DIP2A: variants seen among roughly 807,000 people sequenced by gnomAD.
DIP2A encodes the protein disco-interacting protein 2 homolog A.
Under a neutral mutation model 177.4 loss-of-function variants are expected in DIP2A, and 85 were observed. The observed-to-expected ratio is 0.48, with a 90% CI of 0.40 to 0.57. The LOEUF is 0.57. Among genes scored for constraint, DIP2A ranks in the 20% least tolerant of loss-of-function variants. DIP2A has a pLI of 0.00. For synonymous variants in DIP2A, 886 were observed against 881.8 expected (o/e 1.00, Z -0.08); for missense variants, 1,791 against 2,100.2 (o/e 0.85, Z 2.88).
chr21:46,548,707 G>A (rs1227681779), intron 21 of DIP2A, among the ~76,000 whole-genome samples: 4 of 152,014 alleles, frequency 2.6e-5, no homozygotes, highest in African/African-American at 9.7e-5. Flanking sequence ...ATAAGGGCTG[G>A]TGTCCAGATA....
chr21:46,522,452 A>G (rs1451083296), intron 8 of DIP2A, among the ~76,000 whole-genome samples: 1 of 152,206 alleles, frequency 6.6e-6, no homozygotes, highest in Non-Finnish European at 1.5e-5. Flanking sequence ...GCAGATTCCA[A>G]AAATCAAAGT....
At chr21:46,504,950 A>G (rs1234080597) in intron 6 of DIP2A, among the ~76,000 whole-genome samples, 1 of 152,252 alleles carries the variant, frequency 6.6e-6, no homozygotes, top group Non-Finnish European at 1.5e-5. Flanking sequence ...TCCCATGTGC[A>G]GGCTCAGAGA....
chr21:46,470,380 G>C (rs1212421493), intron 1 of DIP2A, among the ~76,000 whole-genome samples: 2 of 151,740 alleles, frequency 1.3e-5, no homozygotes, highest in East Asian at 3.9e-4. Flanking sequence ...ACGCTGAGGC[G>C]GGAGAATCAC....
intron 8 of DIP2A, among the ~76,000 whole-genome samples, chr21:46,526,904 TTTAC>T (rs1302489944): frequency 6.6e-6 from 1 of 152,198 alleles, no homozygotes; most frequent in African/African-American, 2.4e-5. Flanking sequence ...ACAGACATCC[TTTAC>T]TTACTTCTCT....
Position 46,538,537 on chromosome 21 carries a change from G to T in DIP2A, c.1856G>T (p.Arg619Leu). Residue 619 changes from arginine (R) to leucine (L), a missense_variant, in exon 16 of 38, where the codon CGG becomes CTG. Physicochemically the swap from Arg to Leu is moderately radical, Grantham distance 102. Coordinates refer to ENST00000417564, the MANE Select transcript of DIP2A (RefSeq NM_015151.4). ...RDMHWSLLAQ[R>L]GQRDVSLSSL... ...ATGCACTGGTCTCTCCTAGCTCAGCGGGGCCAGAGGGACGTCAGCCTCAGC... is the reference window on the plus strand; with the variant it reads ...ATGCACTGGTCTCTCCTAGCTCAGCTGGGCCAGAGGGACGTCAGCCTCAGC... 1 of 1,562,646 alleles carries T rather than the reference G, an allele frequency of 6.4e-7. No individual in the cohort carries two copies. Among genetic ancestry groups the T allele is most frequent in the Non-Finnish European group, 8.6e-7 (1 of 1,156,132 alleles).
chr21:46,487,699 A>G (rs1022287168), intron 2 of DIP2A, among the ~76,000 whole-genome samples: 3 of 152,250 alleles, frequency 2.0e-5, no homozygotes, highest in Non-Finnish European at 2.9e-5. Context: ...TCAAATATGA[A>G]AAAATCTTAT....
chr21:46,489,694 A>G (rs1366251186), intron 2 of DIP2A, among the ~76,000 whole-genome samples: 1 of 152,196 alleles, frequency 6.6e-6, no homozygotes, highest in African/African-American at 2.4e-5. Flanking sequence ...CGGGACTGCA[A>G]TTCCTGCTGG....
chr21:46,466,916 A>AC (rs2054881586), intron 1 of DIP2A, among the ~76,000 whole-genome samples: 2 of 81,750 alleles, frequency 2.4e-5, no homozygotes, highest in Non-Finnish European at 2.5e-5. Context: ...ACCTCTTCTT[A>AC]CTAAATGTTT....
At chr21:46,544,404 A>C (rs537981443) in intron 18 of DIP2A, among the ~76,000 whole-genome samples, 11 of 152,280 alleles carry the variant, frequency 7.2e-5, no homozygotes, top group African/African-American at 2.6e-4. Flanking sequence ...TTACAGATAG[A>C]ATCCTGGTCT....
At chr21:46,493,576 A>G (rs568940018) in intron 3 of DIP2A, among the ~76,000 whole-genome samples, 1 of 152,238 alleles carries the variant, frequency 6.6e-6, no homozygotes, top group Admixed American at 6.5e-5. Flanking sequence ...TGTCTTCAAA[A>G]CTATTGCTTT....
chr21:46,486,092 GAACT>G (rs1555878764), intron 2 of DIP2A, among the ~76,000 whole-genome samples: 1 of 88,476 alleles, frequency 1.1e-5, no homozygotes, highest in African/African-American at 6.2e-5. Flanking sequence ...AAAAAAAAAA[GAACT>G]AAAGAACTAG....
chr21:46,508,230 C>T (rs1484045470), intron 6 of DIP2A, among the ~76,000 whole-genome samples: 1 of 151,328 alleles, frequency 6.6e-6, no homozygotes, highest in Non-Finnish European at 1.5e-5. Context: ...TTTGTAGAGA[C>T]AGGGTCTTGC....
At chr21:46,548,896 A>G (rs1380802387) in intron 21 of DIP2A, among the ~76,000 whole-genome samples, 2 of 152,258 alleles carry the variant, frequency 1.3e-5, no homozygotes, top group African/African-American at 4.8e-5. Flanking sequence ...ACTTCCCCAC[A>G]GTGGAACTGG....
intron 1 of DIP2A, 119 bp downstream of exon 1, chr21:46,459,341 G>A (rs1232688383): frequency 2.7e-6 from 2 of 727,632 alleles, no homozygotes; most frequent in Non-Finnish European, 3.8e-6. Flanking sequence ...CTTCACCCCC[G>A]GGACCCCCAC....
intron 1 of DIP2A, among the ~76,000 whole-genome samples, chr21:46,468,846 T>C (rs1854497923): frequency 6.6e-6 from 1 of 152,204 alleles, no homozygotes; most frequent in African/African-American, 2.4e-5. Flanking sequence ...AGGTTAATCA[T>C]GTCGATTTAA....
At chr21:46,578,010 A>C in the DIP2A span, among the ~76,000 whole-genome samples, 1 of 152,162 alleles carries the variant, frequency 6.6e-6, no homozygotes, top group Non-Finnish European at 1.5e-5. Context: ...GAAGTTGCTT[A>C]TCAGTTTAAG....
At position 46,537,227 on chromosome 21, in the gene DIP2A, A is replaced by C; in HGVS notation, c.1646A>C (p.Glu549Ala). 6.2e-7 allele frequency: 1 copy of C among 1,614,032 alleles called. No individual in the cohort carries two copies. The highest frequency in any genetic ancestry group is 1.6e-4 in the Middle Eastern group (1 of 6,062). Residue 549 changes from glutamate to alanine, a missense_variant, in exon 14 of 38, where the codon GAA becomes GCA. Physicochemically the swap from Glu to Ala is moderately radical, Grantham distance 107 (BLOSUM62 -1). Coordinates refer to ENST00000417564, the MANE Select transcript of DIP2A (RefSeq NM_015151.4). The surrounding 1 kb of genome is among the most constrained non-coding windows in gnomAD (Gnocchi z 4.1). ...LTQACGYSEAETLTNVLDFKR... is the reference protein window; with the variant it reads ...LTQACGYSEAATLTNVLDFKR... ...CACCTTCTTTGTCCACTTGCAGCTGAAACATTAACAAACGTGCTGGATTTC... is the reference window on the plus strand; with the variant it reads ...CACCTTCTTTGTCCACTTGCAGCTGCAACATTAACAAACGTGCTGGATTTC...
chr21:46,521,471 G>A (rs563529495), intron 8 of DIP2A, among the ~76,000 whole-genome samples: 1 of 152,076 alleles, frequency 6.6e-6, no homozygotes, highest in African/African-American at 2.4e-5. Context: ...TTACAGGCAT[G>A]AGCCATTACA....
At position 46,524,872 on chromosome 21, in the gene DIP2A, C is replaced by CTTTTT. The variant is rs3061062; in HGVS notation, c.1103-4192_1103-4188dup. On this transcript the variant is annotated intron_variant, in intron 8 of 37. Transcript: ENST00000417564. ...TTTCTTTTATGATTTTTGCTTTTTG[C>CTTTTT]TTTTTTTTTTTTTTTTTTTTTTTTT... Among the ~76,000 whole-genome samples, 38 of 63,392 alleles carry CTTTTT rather than the reference C, an allele frequency of 6.0e-4. 3 individuals are homozygous for CTTTTT. Among genetic ancestry groups the CTTTTT allele is most frequent in the South Asian group, 1.3e-3 (2 of 1,482 alleles). 41.6% of individuals were successfully genotyped at this position (63,392 alleles called of 152,430 possible).
Sources: allele counts gnomAD v4.1 joint callset (sites outside exome capture counted in the v4.1 genomes callset), GRCh38; gene constraint gnomAD v4.1.1; non-coding constraint Gnocchi (gnomAD v3.1); transcripts MANE v1.5; gene names NCBI Gene and HGNC (gene_info 2026-07-23, HGNC 2026-07-21).